INTS15: variants seen among roughly 807,000 people sequenced by gnomAD.
The protein encoded by INTS15 is uncharacterized protein C7orf26.
the INTS15 span, among the ~76,000 whole-genome samples, chr7:6,598,785 G>GTGTGTGTGTGTGTGTGT: frequency 8.1e-5 from 7 of 86,562 alleles, no homozygotes; most frequent in South Asian, 3.4e-4. Context: ...GTGTGTGTGT[G>GTGTGTGTGTGTGTGTGT]TATTTTTTTT....
the INTS15 span, among the ~76,000 whole-genome samples, chr7:6,603,158 G>A: frequency 2.4e-3 from 363 of 152,266 alleles, no homozygotes; most frequent in African/African-American, 8.3e-3. Flanking sequence ...GCTGAGGCAG[G>A]AGAATCACTT....
At chr7:6,607,963 C>T in the INTS15 span, 19 of 1,599,560 alleles carry the variant, frequency 1.2e-5, no homozygotes, top group Non-Finnish European at 1.5e-5. This position sits in a 1 kb window ranked among gnomAD's most constrained non-coding sequence, Gnocchi z 6.0. Flanking sequence ...TTCGCAGCCT[C>T]CTCCAGCTGG....
At chr7:6,603,793 C>T in the INTS15 span, among the ~76,000 whole-genome samples, 1,097 of 152,114 alleles carry the variant, frequency 7.2e-3, 9 homozygotes, top group Middle Eastern at 0.017. Context: ...GAGCCAAGAC[C>T]GCACCATTGC....
At chr7:6,599,920 T>C in the INTS15 span, 1 of 1,614,208 alleles carries the variant, frequency 6.2e-7, no homozygotes, top group South Asian at 1.1e-5. Context: ...TTTTAAATAC[T>C]CCGATTGCGG....
chr7:6,606,791 G>A, the INTS15 span, among the ~76,000 whole-genome samples: 11 of 150,538 alleles, frequency 7.3e-5, no homozygotes, highest in African/African-American at 2.7e-4. Flanking sequence ...CTGCAGCCTT[G>A]AACTTCTGAA....
the INTS15 span, among the ~76,000 whole-genome samples, chr7:6,600,790 T>G: frequency 3.3e-5 from 5 of 151,954 alleles, no homozygotes; most frequent in Non-Finnish European, 4.4e-5. Context: ...CCCGAAGAGC[T>G]GGGACTACAG....
the INTS15 span, chr7:6,591,585 A>G: frequency 6.9e-7 from 1 of 1,449,768 alleles, no homozygotes; most frequent in Non-Finnish European, 9.7e-7. Flanking sequence ...TTCTTAATGT[A>G]TGAGTTAATA....
the INTS15 span, among the ~76,000 whole-genome samples, chr7:6,605,111 A>C: frequency 2.0e-5 from 3 of 151,186 alleles, no homozygotes; most frequent in African/African-American, 7.3e-5. Context: ...TCCTGCCTCA[A>C]CCTCCTGAGT....
At chr7:6,606,156 G>C in the INTS15 span, among the ~76,000 whole-genome samples, 1 of 152,148 alleles carries the variant, frequency 6.6e-6, no homozygotes, top group South Asian at 2.1e-4. Flanking sequence ...CCTCCTCCTT[G>C]GGTTCGTTAA....
the INTS15 span, among the ~76,000 whole-genome samples, chr7:6,603,550 A>G: frequency 5.9e-5 from 9 of 152,038 alleles, no homozygotes; most frequent in East Asian, 1.7e-3. Context: ...CTGTCTCACA[A>G]AAACAAAAAG....
the INTS15 span, among the ~76,000 whole-genome samples, chr7:6,606,284 T>G: frequency 1.8e-4 from 27 of 152,332 alleles, no homozygotes; most frequent in African/African-American, 6.3e-4. Flanking sequence ...GTTTACTGCC[T>G]CAGCCCCTCC....
At chr7:6,594,593 G>A in the INTS15 span, 5 of 1,613,972 alleles carry the variant, frequency 3.1e-6, no homozygotes, top group Non-Finnish European at 4.2e-6. Context: ...TCTATGACCT[G>A]TCATCAGGTA....
the INTS15 span, among the ~76,000 whole-genome samples, chr7:6,603,165 A>G: frequency 1.1e-4 from 16 of 152,004 alleles, no homozygotes; most frequent in Admixed American, 9.8e-4. Flanking sequence ...CAGGAGAATC[A>G]CTTGAACCCG....
the INTS15 span, among the ~76,000 whole-genome samples, chr7:6,590,717 G>A: frequency 6.6e-6 from 1 of 152,218 alleles, no homozygotes; most frequent in Non-Finnish European, 1.5e-5. Context: ...ACAAACTGGC[G>A]ACTGCCCGCT....
chr7:6,594,882 C>A, the INTS15 span, among the ~76,000 whole-genome samples: 11 of 151,548 alleles, frequency 7.3e-5, no homozygotes, highest in African/African-American at 2.4e-4. Context: ...CGCCACTACT[C>A]CTGGCTAATT....
the INTS15 span, chr7:6,591,714 G>C: frequency 1.2e-6 from 2 of 1,614,148 alleles, no homozygotes; most frequent in South Asian, 2.2e-5. Context: ...AGCAAACCAA[G>C]GACTCTGTTC....
the INTS15 span, chr7:6,590,570 C>T: frequency 2.6e-5 from 37 of 1,398,812 alleles, no homozygotes; most frequent in East Asian, 2.9e-5. Flanking sequence ...GCGGGCGCCC[C>T]ATGTCCAGGA....
At chr7:6,601,821 T>A in the INTS15 span, among the ~76,000 whole-genome samples, 4 of 151,476 alleles carry the variant, frequency 2.6e-5, no homozygotes, top group Non-Finnish European at 5.9e-5. Flanking sequence ...CACTCCTGAC[T>A]GATTTTTGTA....
At chr7:6,591,554 G>A in the INTS15 span, 246 of 1,167,360 alleles carry the variant, frequency 2.1e-4, 1 homozygote, top group East Asian at 5.8e-3. Context: ...ATGAGCCACC[G>A]CGCCCAGTCT....
Sources: allele counts gnomAD v4.1 joint callset (sites outside exome capture counted in the v4.1 genomes callset), GRCh38; gene constraint gnomAD v4.1.1; non-coding constraint Gnocchi (gnomAD v3.1); transcripts MANE v1.5; gene names NCBI Gene and HGNC (gene_info 2026-07-23, HGNC 2026-07-21).